JPH3: variants seen among roughly 807,000 people sequenced by gnomAD.
The protein encoded by JPH3 is junctophilin-3.
JPH3 carries 11 observed loss-of-function variants against 59.6 expected under a neutral mutation model. The observed-to-expected ratio is 0.18, with a 90% CI of 0.12 to 0.31. The LOEUF (loss-of-function observed/expected upper bound fraction) is 0.31. Ranked by LOEUF, JPH3 falls within the 10% of genes least tolerant of loss-of-function variation. The pLI is 1.00. For missense variants in JPH3, 1,202 were observed against 1,105.7 expected, an observed-to-expected ratio of 1.09 and a Z score of -1.24; for synonymous variants, 673 against 483.6, an observed-to-expected ratio of 1.39 and a Z score of -5.14.
rs185781311 is a variant in JPH3, at chr16:87,674,584, G to T, written c.1161-9558G>T. Among the ~76,000 whole-genome samples, 671 of 152,312 alleles carry T rather than the reference G, an allele frequency of 4.4e-3. 5 individuals are homozygous for T. Among genetic ancestry groups the T allele is most frequent in the African/African-American group, 0.016 (647 of 41,558 alleles). Reference sequence around the variant, plus strand: ...AACCCCATTTGTGCGGCAAAAATAAGGTGTGTATGTCGATCACTGCATGGG... The same window carrying T: ...AACCCCATTTGTGCGGCAAAAATAATGTGTGTATGTCGATCACTGCATGGG... On this transcript the variant is annotated intron_variant, in intron 2 of 4. Coordinates refer to ENST00000284262, the MANE Select transcript of JPH3 (RefSeq NM_020655.4).
intron 1 of JPH3, among the ~76,000 whole-genome samples, chr16:87,624,193 C>G (rs1200284795): frequency 1.3e-5 from 2 of 152,202 alleles, no homozygotes; most frequent in Non-Finnish European, 2.9e-5. Context: ...TACAATTCAC[C>G]CATTTAAACT....
chr16:87,682,500 G>T (rs2033320243), intron 2 of JPH3, among the ~76,000 whole-genome samples: 1 of 152,128 alleles, frequency 6.6e-6, no homozygotes, highest in African/African-American at 2.4e-5. Context: ...CCTGATGAAA[G>T]AGGCCTCAGA....
Position 87,661,282 on chromosome 16 carries a change from CTCTT to C in JPH3, c.1160+16250_1160+16253del, listed in dbSNP as rs1178593935. Among the ~76,000 whole-genome samples the C allele has an allele frequency of 1.3e-5, 2 of 152,364 alleles. 1 individual carries two copies. Among genetic ancestry groups the C allele is most frequent in the Middle Eastern group, 6.8e-3 (2 of 294 alleles). On this transcript the variant is annotated intron_variant, in intron 2 of 4. Transcript: ENST00000284262. ...ACCCAGATAATCCAGGGTCATCTCT[CTCTT>C]TCCTGATCCTTAACTCAGTCATATC...
intron 1 of JPH3, among the ~76,000 whole-genome samples, chr16:87,617,955 G>T (rs2031034543): frequency 6.6e-6 from 1 of 152,044 alleles, no homozygotes; most frequent in Non-Finnish European, 1.5e-5. Flanking sequence ...TTGAGTTCAG[G>T]AGTTTGAGAC....
intron 2 of JPH3, among the ~76,000 whole-genome samples, chr16:87,652,371 T>C (rs1296480390): frequency 6.6e-6 from 1 of 152,260 alleles, no homozygotes; most frequent in Non-Finnish European, 1.5e-5. Context: ...ATTGTTCACA[T>C]TTTTTAGCAA....
intron 2 of JPH3, among the ~76,000 whole-genome samples, chr16:87,650,151 C>T (rs1299532138): frequency 6.6e-6 from 1 of 152,178 alleles, no homozygotes; most frequent in Non-Finnish European, 1.5e-5. Flanking sequence ...TGCCGTTTTC[C>T]CAACAGCACG....
chr16:87,684,301 G>A lies in JPH3; in HGVS notation c.1285+35G>A, dbSNP rs571932774. 3.0e-5 allele frequency: 48 copies of A among 1,610,900 alleles called. No individual in the cohort carries two copies. The South Asian group carries it at 4.6e-4, about 16-fold the overall frequency. On this transcript the variant is annotated intron_variant, in intron 3 of 4. Coordinates refer to ENST00000284262, the MANE Select transcript of JPH3 (RefSeq NM_020655.4). ...GCCGGGCCTGATACTGGCATCGTGG[G>A]GAGGGGGTGCGTGGATGGCTGGGCA...
At chr16:87,682,833 C>T (rs1462680024) in intron 2 of JPH3, among the ~76,000 whole-genome samples, 1 of 152,228 alleles carries the variant, frequency 6.6e-6, no homozygotes, top group Non-Finnish European at 1.5e-5. Flanking sequence ...TGGCCACTGG[C>T]AGGCCCCCCC....
intron 1 of JPH3, among the ~76,000 whole-genome samples, chr16:87,619,720 C>T (rs1217778336): frequency 2.0e-5 from 3 of 152,182 alleles, no homozygotes; most frequent in Non-Finnish European, 4.4e-5. Flanking sequence ...CTACTGAGCG[C>T]CGACTGTGTG....
Position 87,680,629 on chromosome 16 carries a change from C to T in JPH3, c.1161-3513C>T, listed in dbSNP as rs374638489. Reference sequence around the variant, plus strand: ...GGGGGGCCCCAGGTGAGCTCAGATGCCCTCCCTGCCTGTGCCACCGTGGCC... The same window carrying T: ...GGGGGGCCCCAGGTGAGCTCAGATGTCCTCCCTGCCTGTGCCACCGTGGCC... On this transcript the variant is annotated intron_variant, in intron 2 of 4. Coordinates refer to ENST00000284262, the MANE Select transcript of JPH3 (RefSeq NM_020655.4). Among the ~76,000 whole-genome samples the T allele has an allele frequency of 9.2e-5, 14 of 152,054 alleles. No homozygotes were observed. The South Asian group carries it at 2.3e-3, about 25-fold the overall frequency.
intron 2 of JPH3, among the ~76,000 whole-genome samples, chr16:87,678,598 A>T (rs968638965): frequency 7.3e-5 from 11 of 151,672 alleles, no homozygotes; most frequent in African/African-American, 2.7e-4. Flanking sequence ...ACATACTCAC[A>T]CTCTCTGTAG....
intron 2 of JPH3, among the ~76,000 whole-genome samples, chr16:87,662,417 C>T (rs577901300): frequency 7.1e-5 from 10 of 140,654 alleles, no homozygotes; most frequent in East Asian, 4.2e-4. Context: ...TCACTAGGCT[C>T]GCGTCTGATT....
chr16:87,620,588 A>G, intron 1 of JPH3, among the ~76,000 whole-genome samples: 1 of 149,688 alleles, frequency 6.7e-6, no homozygotes, highest in African/African-American at 2.5e-5. Context: ...CATGGGGGGG[A>G]CGTGCGTTGT....
intron 3 of JPH3, among the ~76,000 whole-genome samples, chr16:87,686,088 C>G (rs1402735546): frequency 6.6e-6 from 1 of 152,180 alleles, no homozygotes; most frequent in Non-Finnish European, 1.5e-5. Context: ...GGAGCGGAGA[C>G]CCTGGAAGGA....
Position 87,603,446 on chromosome 16 carries a change from C to G in JPH3, c.300C>G (p.Cys100Trp). ...AGGGGCGCTACGGGGTGCGGGAGTG[C>G]GCGGGCAACGGGGCCAAATACGAAG... is the stretch of plus-strand genomic sequence containing the variant. ...GFKGRYGVRE[C>W]AGNGAKYEGT... is the part of the protein sequence containing the mutation. Residue 100 changes from cysteine to tryptophan, a missense_variant, in exon 1 of 5, where the codon TGC becomes TGG. Cys to Trp is a radical substitution (Grantham distance 215, BLOSUM62 -2). Coordinates refer to ENST00000284262, the MANE Select transcript of JPH3 (RefSeq NM_020655.4). 1.9e-6 allele frequency: 3 copies of G among 1,566,944 alleles called. No individual in the cohort carries two copies. Among genetic ancestry groups the G allele is most frequent in the Non-Finnish European group, 2.6e-6 (3 of 1,156,584 alleles).
intron 2 of JPH3, among the ~76,000 whole-genome samples, chr16:87,669,005 G>A (rs886781379): frequency 2.0e-4 from 31 of 152,220 alleles, no homozygotes; most frequent in African/African-American, 4.8e-4. Flanking sequence ...CCTGCGAGGC[G>A]AGGCCTGTGG....
At chr16:87,630,855 C>A (rs2031544121) in intron 1 of JPH3, among the ~76,000 whole-genome samples, 1 of 152,302 alleles carries the variant, frequency 6.6e-6, no homozygotes, top group South Asian at 2.1e-4. Context: ...ATTCTCCCCA[C>A]TCCCAGCTAT....
At chr16:87,674,935 A>G (rs1199633079) in intron 2 of JPH3, among the ~76,000 whole-genome samples, 1 of 151,700 alleles carries the variant, frequency 6.6e-6, no homozygotes, top group Non-Finnish European at 1.5e-5. Flanking sequence ...TAATTTTTGT[A>G]TTTTTAGTAG....
intron 2 of JPH3, among the ~76,000 whole-genome samples, chr16:87,646,580 C>T (rs763383139): frequency 2.6e-5 from 4 of 152,236 alleles, no homozygotes; most frequent in Non-Finnish European, 5.9e-5. Flanking sequence ...GCAGCATTAG[C>T]TCTGGTCTGA....
Sources: allele counts gnomAD v4.1 joint callset (sites outside exome capture counted in the v4.1 genomes callset), GRCh38; gene constraint gnomAD v4.1.1; transcripts MANE v1.5; gene names NCBI Gene and HGNC (gene_info 2026-07-23, HGNC 2026-07-21).